The following TMEM178A variants were observed in gnomAD, a reference collection of about 807,000 sequenced individuals.
The protein encoded by TMEM178A is transmembrane protein 178A.
Under a neutral mutation model 29.1 loss-of-function variants are expected in TMEM178A, and 12 were observed. That is an observed-to-expected ratio of 0.41 (90% confidence interval 0.26 to 0.67). The LOEUF is 0.67. TMEM178A is among the 30% of genes least tolerant of loss of function. TMEM178A has a pLI of 0.29. For missense variants in TMEM178A, 366 were observed against 419.1 expected (o/e 0.87, Z 1.11); for synonymous variants, 210 against 187.2 (o/e 1.12, Z -0.99).
intron 3 of TMEM178A, among the ~76,000 whole-genome samples, chr2:39,710,385 C>A (rs1315357117): frequency 1.3e-5 from 2 of 152,076 alleles, no homozygotes; most frequent in African/African-American, 4.8e-5. Flanking sequence ...AACAAAACAA[C>A]CTTTTTTCAA....
chr2:39,669,138 GGA>G (rs1670300248), intron 1 of TMEM178A, among the ~76,000 whole-genome samples: 1 of 152,170 alleles, frequency 6.6e-6, no homozygotes. Context: ...TATTCAGATG[GGA>G]GAGTGGGGAG....
downstream of TMEM178A, among the ~76,000 whole-genome samples, chr2:39,718,581 G>T (rs1672635881): frequency 6.6e-6 from 1 of 152,180 alleles, no homozygotes; most frequent in African/African-American, 2.4e-5. Flanking sequence ...CAGTAACTGG[G>T]CTGTGGTGTT....
At chr2:39,719,083 G>A (rs1016728440), downstream of TMEM178A, among the ~76,000 whole-genome samples, 9 of 152,288 alleles carry the variant, frequency 5.9e-5, no homozygotes, top group Middle Eastern at 3.4e-3. Flanking sequence ...CTTTGGCTCC[G>A]TGGCTCCAGG....
chr2:39,732,772 C>A, the TMEM178A span, among the ~76,000 whole-genome samples: 1 of 152,160 alleles, frequency 6.6e-6, no homozygotes, highest in Non-Finnish European at 1.5e-5. Flanking sequence ...CATTAGGGAG[C>A]TGCTTACAGT....
intron 3 of TMEM178A, among the ~76,000 whole-genome samples, chr2:39,714,585 A>G (rs1672454273): frequency 6.6e-6 from 1 of 152,214 alleles, no homozygotes; most frequent in Non-Finnish European, 1.5e-5. Flanking sequence ...TAATGACATC[A>G]TTCACAGTGT....
the TMEM178A span, among the ~76,000 whole-genome samples, chr2:39,732,268 A>G: frequency 2.6e-5 from 4 of 152,266 alleles, no homozygotes; most frequent in Non-Finnish European, 5.9e-5. Context: ...TCTGTAAGCC[A>G]TATTTGACTT....
At chr2:39,708,678 A>C (rs1672166372) in intron 3 of TMEM178A, among the ~76,000 whole-genome samples, 2 of 151,762 alleles carry the variant, frequency 1.3e-5, no homozygotes, top group Non-Finnish European at 2.9e-5. Context: ...CGGCCTCCCA[A>C]AGTGCTGGGA....
intron 1 of TMEM178A, among the ~76,000 whole-genome samples, chr2:39,669,224 T>C (rs1183088270): frequency 6.6e-6 from 1 of 152,198 alleles, no homozygotes; most frequent in Non-Finnish European, 1.5e-5. Context: ...CAGCATTTTC[T>C]TCTCTGGACC....
chr2:39,694,589 A>G (rs73927043), intron 1 of TMEM178A, among the ~76,000 whole-genome samples: 5,991 of 152,290 alleles, frequency 0.039, 413 homozygotes, highest in African/African-American at 0.14. Context: ...TCCCCTCTCC[A>G]GGATGGAAGC....
At chr2:39,703,365 G>A (rs1282081338) in intron 1 of TMEM178A, among the ~76,000 whole-genome samples, 2 of 152,198 alleles carry the variant, frequency 1.3e-5, no homozygotes, top group Non-Finnish European at 2.9e-5. Context: ...ACATGGGTGT[G>A]TGAGGTTGGT....
Position 39,717,282 on chromosome 2 carries a change from G to C in TMEM178A, c.*31G>C. 6.2e-7 allele frequency: 1 copy of C among 1,606,770 alleles called. No individual in the cohort carries two copies. Among genetic ancestry groups the C allele is most frequent in the South Asian group, 1.1e-5 (1 of 90,182 alleles). On this transcript the variant is annotated 3_prime_UTR_variant, in exon 4 of 4. Transcript: ENST00000281961. ...CTCACTGGGCCTGTCCACAGTGCGA[G>C]CGACTCCTGAGGGGAACAGCGCGGA...
chr2:39,728,395 G>A, the TMEM178A span, among the ~76,000 whole-genome samples: 2 of 152,116 alleles, frequency 1.3e-5, no homozygotes, highest in Non-Finnish European at 2.9e-5. Flanking sequence ...TTGATTCACT[G>A]TTCTCAGATC....
At chr2:39,691,475 A>G (rs1053270255) in intron 1 of TMEM178A, among the ~76,000 whole-genome samples, 3 of 152,226 alleles carry the variant, frequency 2.0e-5, no homozygotes, top group Non-Finnish European at 4.4e-5. Context: ...AAAACAAAAC[A>G]AAACAAAAGG....
At chr2:39,714,751 T>C (rs1672461998) in intron 3 of TMEM178A, among the ~76,000 whole-genome samples, 1 of 152,186 alleles carries the variant, frequency 6.6e-6, no homozygotes, top group Non-Finnish European at 1.5e-5. Flanking sequence ...ATAGAATTCA[T>C]GTCATCAAAA....
intron 1 of TMEM178A, among the ~76,000 whole-genome samples, chr2:39,677,119 A>G (rs1165311014): frequency 6.6e-6 from 1 of 152,188 alleles, no homozygotes; most frequent in Admixed American, 6.5e-5. Flanking sequence ...TTGGTGCTTC[A>G]GTGCTTCCTA....
Position 39,705,202 on chromosome 2 carries a change from G to T in TMEM178A, c.514+1008G>T, listed in dbSNP as rs1671971653. On this transcript the variant is annotated intron_variant, in intron 2 of 3. Coordinates refer to ENST00000281961, the MANE Select transcript of TMEM178A (RefSeq NM_152390.3). ...GTGATTGCCCAGCAAGGCAGTATTT[G>T]AAGATTCTTCTTTTAATCCTTTTTG... 1.3e-5 allele frequency among the ~76,000 whole-genome samples: 2 copies of T among 152,206 alleles called. 1 individual carries two copies. The highest frequency in any genetic ancestry group is 3.8e-4 in the East Asian group (2 of 5,198).
At position 39,714,806 on chromosome 2, in the gene TMEM178A, T is replaced by C. The variant is rs547254525; in HGVS notation, c.653-2204T>C. On this transcript the variant is annotated intron_variant, in intron 3 of 3. Coordinates refer to ENST00000281961, the MANE Select transcript of TMEM178A (RefSeq NM_152390.3). ...AGGGGAGAGGAGCTAATGAAAGAAATGTTAAGTGTAAAATCAGAGGGAGTA... is the reference window on the plus strand; with the variant it reads ...AGGGGAGAGGAGCTAATGAAAGAAACGTTAAGTGTAAAATCAGAGGGAGTA... Among the ~76,000 whole-genome samples the C allele has an allele frequency of 3.8e-4, 58 of 152,252 alleles. No homozygotes were observed. In the South Asian group the frequency reaches 0.012, roughly 31 times the overall value.
At chr2:39,685,768 G>A (rs367674007) in intron 1 of TMEM178A, among the ~76,000 whole-genome samples, 1 of 152,160 alleles carries the variant, frequency 6.6e-6, no homozygotes, top group African/African-American at 2.4e-5. Context: ...TTTCTCTGCT[G>A]CAGGTAGAAA....
intron 1 of TMEM178A, among the ~76,000 whole-genome samples, chr2:39,685,168 C>T (rs1439846413): frequency 6.6e-6 from 1 of 152,154 alleles, no homozygotes. Context: ...AGCCTTCATT[C>T]CCTCCATGGT....
Sources: allele counts gnomAD v4.1 joint callset (sites outside exome capture counted in the v4.1 genomes callset), GRCh38; gene constraint gnomAD v4.1.1; transcripts MANE v1.5; gene names NCBI Gene and HGNC (gene_info 2026-07-23, HGNC 2026-07-21).